The following IRS1 variants were observed in gnomAD, a reference collection of about 807,000 sequenced individuals.
The protein encoded by IRS1 is insulin receptor substrate 1.
IRS1 carries 34 observed loss-of-function variants against 65.6 expected under a neutral mutation model. The ratio of observed to expected loss-of-function variants is 0.52; its 90% confidence interval spans 0.39 to 0.69. The LOEUF is 0.69. Ranked by LOEUF, IRS1 falls within the 30% of genes least tolerant of loss-of-function variation. The pLI is 0.00. For missense variants in IRS1, 1,641 were observed against 1,720.2 expected (o/e 0.95, Z 0.81); for synonymous variants, 699 against 683.5 (o/e 1.02, Z -0.35).
At position 226,795,417 on chromosome 2, in the gene IRS1, G is replaced by C. The variant is rs146121894; in HGVS notation, c.3322C>G (p.Pro1108Ala). The change falls in exon 1 of 2, where the codon CCC becomes GCC. Residue 1108 changes from proline to alanine, a missense_variant. Transcript: ENST00000305123. ...GTGTTGCCCACCCGGGTGGCACTGG[G>C]TGTTGAGGAGAAAGTCTCGGAGCTA... ...RHSSETFSSTPSATRVGNTVP... is the reference protein window; with the variant it reads ...RHSSETFSSTASATRVGNTVP... 102 of 1,613,538 alleles carry C rather than the reference G, an allele frequency of 6.3e-5. No individual in the cohort carries two copies. The African/African-American group carries it at 1.3e-3, about 20-fold the overall frequency.
chr2:226,768,890 C>T (rs532269644), intron 1 of IRS1, among the ~76,000 whole-genome samples: 1 of 152,268 alleles, frequency 6.6e-6, no homozygotes, highest in African/African-American at 2.4e-5. Flanking sequence ...CTGCCTCGGC[C>T]TCCCAAAGTG....
Position 226,796,707 on chromosome 2 carries a change from C to T in IRS1, c.2032G>A (p.Gly678Ser). 1 of 1,613,702 alleles carries T rather than the reference C, an allele frequency of 6.2e-7. No homozygotes were observed. Among genetic ancestry groups the T allele is most frequent in the Non-Finnish European group, 8.5e-7 (1 of 1,179,778 alleles). ...SGGCSPDIGG[G>S]PSSSSSSSNA... ...CTGCTGCTGCTGCTGCTGCTGGGGC[C>T]ACCTCCAATGTCAGGAGAGCAGCCA... The change falls in exon 1 of 2, where the codon GGC becomes AGC. Residue 678 changes from glycine to serine, a missense_variant. This residue lies in a region of IRS1 where 1,324 missense variants were observed against 1,361.0 expected (regional missense o/e 0.97). Transcript: ENST00000305123.
At chr2:226,790,536 C>A (rs532491309) in intron 1 of IRS1, among the ~76,000 whole-genome samples, 6 of 152,286 alleles carry the variant, frequency 3.9e-5, no homozygotes, top group African/African-American at 1.4e-4. Flanking sequence ...TTTTCTGGAA[C>A]AACAGAGAAA....
chr2:226,793,231 A>G (rs2106183364), intron 1 of IRS1, among the ~76,000 whole-genome samples: 1 of 152,362 alleles, frequency 6.6e-6, no homozygotes, highest in African/African-American at 2.4e-5. Flanking sequence ...AATTAAGATG[A>G]CAAGTAAGAA....
At position 226,734,105 on chromosome 2, in the gene IRS1, A is replaced by G. The variant is rs1263849008; in HGVS notation, c.*2167T>C. On this transcript the variant is annotated 3_prime_UTR_variant, in exon 2 of 2. Coordinates refer to ENST00000305123, the MANE Select transcript of IRS1 (RefSeq NM_005544.3). ...TTCTCTTTAACTATTTCAGTCCTCA[A>G]AGGAAAAGAGCAGGGCAGCTTGCTC... 3 of 152,212 alleles carry G rather than the reference A, an allele frequency of 2.0e-5. No homozygotes were observed. The highest frequency in any genetic ancestry group is 4.4e-5 in the Non-Finnish European group (3 of 68,030). 9.4% of individuals were successfully genotyped at this position (152,212 alleles called of 1,614,324 possible).
In IRS1 at chr2:226,796,662, T is replaced by C; in HGVS notation, c.2077A>G (p.Thr693Ala). 6.2e-7 allele frequency: 1 copy of C among 1,613,884 alleles called. No individual in the cohort carries two copies. Among genetic ancestry groups the C allele is most frequent in the East Asian group, 2.2e-5 (1 of 44,842 alleles). Residue 693 changes from threonine (T) to alanine (A), a missense_variant, in exon 1 of 2, where the codon ACC (threonine) becomes GCC (alanine). By Grantham distance (58) the Thr-to-Ala change is moderately conservative. Transcript: ENST00000305123. ...TTTGTCCACAGCTTTCCATAGCTGG[T>C]CCCGGAAGGGACGGCGTTGCTGCTG... is the stretch of plus-strand genomic sequence containing the variant. The part of the protein sequence containing the change: ...SSSSNAVPSG[T>A]SYGKLWTNGV...
chr2:226,797,398 C>A lies in IRS1; in HGVS notation c.1341G>T (p.Pro447=), dbSNP rs754761501. 1.2e-6 allele frequency: 2 copies of A among 1,612,258 alleles called. No homozygotes were observed. The highest frequency in any genetic ancestry group is 2.2e-5 in the East Asian group (1 of 44,854). Reference sequence around the variant, plus strand: ...CTGGTGGGGTGTGGCCCAGGGAATCCGGAGTGACACTGCGGAAGGAACTCC... The same window carrying A: ...CTGGTGGGGTGTGGCCCAGGGAATCAGGAGTGACACTGCGGAAGGAACTCC... The part of the protein sequence containing the change: ...DFRSSFRSVT[P]DSLGHTPPAR... The change falls in exon 1 of 2, where the codon CCG becomes CCT. Residue 447 remains proline (P), a synonymous_variant. Coordinates refer to ENST00000305123, the MANE Select transcript of IRS1 (RefSeq NM_005544.3). The surrounding 1 kb of genome is among the most constrained non-coding windows in gnomAD (Gnocchi z 8.1).
chr2:226,791,829 GGGAAGGGGCCCCACCGCCCT>G (rs1939614619), intron 1 of IRS1, among the ~76,000 whole-genome samples: 1 of 152,024 alleles, frequency 6.6e-6, no homozygotes. Flanking sequence ...CACGCGGCCC[GGGAAGGGGCCCCACCGCCCT>G]GGATGACCCG....
Position 226,761,470 on chromosome 2 carries a change from A to G in IRS1, c.*22-25220T>C, listed in dbSNP as rs534032425. On this transcript the variant is annotated intron_variant, in intron 1 of 1. Transcript: ENST00000305123. ...AACTTCCAAGAGCTCTATCCCAGGG[A>G]AAAAAAGTATCCATTGTATCTCTCT... is the stretch of plus-strand genomic sequence containing the variant. Among the ~76,000 whole-genome samples the G allele has an allele frequency of 8.5e-5, 13 of 152,216 alleles. No homozygotes were observed. In the South Asian group the frequency reaches 2.5e-3, roughly 29 times the overall value.
Position 226,795,891 on chromosome 2 carries a change from G to C in IRS1, c.2848C>G (p.Arg950Gly). ...GTGCTCTCCTGCCAGGCTGCCCTCC[G>C]GCCCGGCCCCAGGTCCATCTTCATG... ...EYMKMDLGPG[R>G]RAAWQESTGV... is the part of the protein sequence containing the mutation. Residue 950 changes from arginine to glycine, a missense_variant, in exon 1 of 2, where the codon CGG (arginine) becomes GGG (glycine). Around this residue, in one of 3 missense-constraint regions of IRS1, gnomAD observed 1,324 missense variants for 1,361.0 expected, o/e 0.97. Transcript: ENST00000305123. The C allele has an allele frequency of 6.2e-7, 1 of 1,613,766 alleles. No homozygotes were observed. Among genetic ancestry groups the C allele is most frequent in the Admixed American group, 1.7e-5 (1 of 60,026 alleles).
At chr2:226,760,435 G>A (rs1268632168) in intron 1 of IRS1, among the ~76,000 whole-genome samples, 1 of 152,088 alleles carries the variant, frequency 6.6e-6, no homozygotes, top group East Asian at 1.9e-4. Context: ...CAATACAAGA[G>A]GATCTCACAG....
chr2:226,799,479 C>T lies in IRS1; in HGVS notation c.-741G>A, dbSNP rs117501452. 2.6e-6 allele frequency: 3 copies of T among 1,167,130 alleles called. No individual in the cohort carries two copies. Among genetic ancestry groups the T allele is most frequent in the East Asian group, 8.6e-5 (1 of 11,682 alleles). The allele number at this position is 1,167,130 out of a possible 1,614,324, so 72.3% of individuals were successfully genotyped here. Reference sequence around the variant, plus strand: ...GTGGCTTTTCCATGCGAAACGATACCGGGCAGCCACTGCAGCTGGGGACCG... The same window carrying T: ...GTGGCTTTTCCATGCGAAACGATACTGGGCAGCCACTGCAGCTGGGGACCG... On this transcript the variant is annotated 5_prime_UTR_variant, in exon 1 of 2. Transcript: ENST00000305123. This position sits in a 1 kb window ranked among gnomAD's most constrained non-coding sequence, Gnocchi z 6.1.
chr2:226,798,103 C>T lies in IRS1; in HGVS notation c.636G>A (p.Arg212=). 1.2e-6 allele frequency: 2 copies of T among 1,614,026 alleles called. No homozygotes were observed. Among genetic ancestry groups the T allele is most frequent in the Non-Finnish European group, 1.7e-6 (2 of 1,180,012 alleles). ...AGAAGTTTTCCGAGTGGCCACAGCG[C>T]CTGATGTTCATCAGCTGCAGCACCA... ...AAVVLQLMNI[R]RCGHSENFFF... is the part of the protein sequence containing the mutation. Residue 212 remains arginine, a synonymous_variant, in exon 1 of 2, where the codon AGG becomes AGA. Coordinates refer to ENST00000305123, the MANE Select transcript of IRS1 (RefSeq NM_005544.3). The surrounding 1 kb of genome is among the most constrained non-coding windows in gnomAD (Gnocchi z 9.4).
chr2:226,758,974 A>T (rs778808494), intron 1 of IRS1, among the ~76,000 whole-genome samples: 2 of 152,194 alleles, frequency 1.3e-5, no homozygotes, highest in African/African-American at 4.8e-5. Flanking sequence ...TTTGCCCAGT[A>T]ACTGTGGAAT....
At chr2:226,787,337 A>G (rs1939506553) in intron 1 of IRS1, among the ~76,000 whole-genome samples, 1 of 152,220 alleles carries the variant, frequency 6.6e-6, no homozygotes, top group Admixed American at 6.5e-5. Context: ...AGATTCAGAA[A>G]AATACAAACC....
intron 1 of IRS1, among the ~76,000 whole-genome samples, chr2:226,751,394 CT>C (rs1316712478): frequency 6.6e-6 from 1 of 151,080 alleles, no homozygotes; most frequent in East Asian, 2.0e-4. Context: ...CGGCATTCTC[CT>C]GCCTCAGCCT....
At chr2:226,778,024 A>C (rs1939307640) in intron 1 of IRS1, among the ~76,000 whole-genome samples, 1 of 152,122 alleles carries the variant, frequency 6.6e-6, no homozygotes, top group African/African-American at 2.4e-5. Flanking sequence ...ATTTTTTCTA[A>C]GCATTTCTTA....
rs1424321667 is a variant in IRS1, at chr2:226,795,934, C to A, written c.2805G>T (p.Glu935Asp). The change falls in exon 1 of 2, where the codon GAG (glutamate) becomes GAT (aspartate). Residue 935 changes from glutamate (E) to aspartate (D), a missense_variant. Glu to Asp is a conservative substitution (Grantham distance 45). This residue lies in a region of IRS1 where 1,324 missense variants were observed against 1,361.0 expected (regional missense o/e 0.97). Transcript: ENST00000305123. ...TCTTCATGTACTCCTCAGTGCCAGT[C>A]TCTTCCTCTCTGGGAGCTGGCTGGA... ...SQLQPAPREE[E>D]TGTEEYMKMD... is the part of the protein sequence containing the mutation. 3 of 1,614,056 alleles carry A rather than the reference C, an allele frequency of 1.9e-6. No individual in the cohort carries two copies. In the South Asian group the frequency reaches 3.3e-5, roughly 18 times the overall value.
rs1319278652 is a variant in IRS1, at chr2:226,735,784, T to G, written c.*488A>C. 1 of 152,630 alleles carries G rather than the reference T, an allele frequency of 6.6e-6. No homozygotes were observed. Among genetic ancestry groups the G allele is most frequent in the African/African-American group, 2.4e-5 (1 of 41,464 alleles). The allele number at this position is 152,630 out of a possible 1,614,324, so 9.5% of individuals were successfully genotyped here. On this transcript the variant is annotated 3_prime_UTR_variant, in exon 2 of 2. Transcript: ENST00000305123. ...AAAGTTACATTTTCATTTAAAAAAT[T>G]ACACATATAAATCAAAACCTATGTT...
Sources: allele counts gnomAD v4.1 joint callset (sites outside exome capture counted in the v4.1 genomes callset), GRCh38; gene constraint gnomAD v4.1.1; regional missense constraint gnomAD v4.1.1; non-coding constraint Gnocchi (gnomAD v3.1); transcripts MANE v1.5; gene names NCBI Gene and HGNC (gene_info 2026-07-23, HGNC 2026-07-21).